The following PTPRG variants were observed in gnomAD, a reference collection of about 807,000 sequenced individuals.
The protein encoded by PTPRG is protein tyrosine phosphatase receptor type G, also known as receptor-type tyrosine-protein phosphatase gamma.
In PTPRG, 102 loss-of-function variants were observed where a neutral mutation model predicts 165.3. That is an observed-to-expected ratio of 0.62 (90% CI 0.53 to 0.73). The LOEUF (loss-of-function observed/expected upper bound fraction) is 0.73, where lower values mean the gene tolerates loss of function less well. Among genes scored for constraint, PTPRG ranks in the 30% least tolerant of loss-of-function variants. PTPRG has a pLI of 0.00. For missense variants in PTPRG, 1,866 were observed against 1,861.4 expected (o/e 1.00, Z -0.05); for synonymous variants, 675 against 669.5 (o/e 1.01, Z -0.13).
intron 2 of PTPRG, among the ~76,000 whole-genome samples, chr3:61,858,472 A>G (rs2037174502): frequency 6.6e-6 from 1 of 152,216 alleles, no homozygotes; most frequent in African/African-American, 2.4e-5. Context: ...CCTGCAATCA[A>G]TATAGTATTT....
chr3:61,846,909 T>C (rs1017147237), intron 2 of PTPRG, among the ~76,000 whole-genome samples: 2 of 148,742 alleles, frequency 1.3e-5, no homozygotes, highest in African/African-American at 5.0e-5. Flanking sequence ...AGCTAGACCC[T>C]GTCTCAAAAA....
chr3:61,572,089 C>G (rs546919248), intron 1 of PTPRG, among the ~76,000 whole-genome samples: 1 of 152,298 alleles, frequency 6.6e-6, no homozygotes, highest in South Asian at 2.1e-4. Context: ...TTGTGAGGTG[C>G]ACTTGTTGAC....
chr3:61,577,834 C>T (rs1221440705), intron 1 of PTPRG, among the ~76,000 whole-genome samples: 1 of 152,154 alleles, frequency 6.6e-6, no homozygotes, highest in Admixed American at 6.5e-5. Flanking sequence ...AAGAGAAACT[C>T]TTGTAATTGA....
intron 4 of PTPRG, among the ~76,000 whole-genome samples, chr3:62,044,959 T>C (rs1287541627): frequency 1.3e-5 from 2 of 152,174 alleles, no homozygotes; most frequent in Non-Finnish European, 2.9e-5. Context: ...TATTTTAAAT[T>C]AAATAGCATT....
At chr3:61,601,418 T>G (rs1378485544) in intron 1 of PTPRG, among the ~76,000 whole-genome samples, 1 of 152,250 alleles carries the variant, frequency 6.6e-6, no homozygotes, top group Non-Finnish European at 1.5e-5. Context: ...TGTTGGCCTC[T>G]GCTATTTGAT....
intron 1 of PTPRG, among the ~76,000 whole-genome samples, chr3:61,622,590 A>C: frequency 6.6e-6 from 1 of 152,200 alleles, no homozygotes; most frequent in East Asian, 1.9e-4. Context: ...CAAATCTTGT[A>C]AATTACTTTC....
At chr3:61,595,908 G>T (rs1700689386) in intron 1 of PTPRG, among the ~76,000 whole-genome samples, 1 of 152,092 alleles carries the variant, frequency 6.6e-6, no homozygotes, top group South Asian at 2.1e-4. Flanking sequence ...GTACCATTGT[G>T]TTTTTTTAGC....
At chr3:62,006,321 A>G (rs79991025) in intron 4 of PTPRG, among the ~76,000 whole-genome samples, 4,181 of 152,286 alleles carry the variant, frequency 0.027, 111 homozygotes, top group East Asian at 0.091. Flanking sequence ...ACTTTAAAAT[A>G]TGCACAAGAA....
intron 28 of PTPRG, among the ~76,000 whole-genome samples, chr3:62,289,643 T>C (rs1392823044): frequency 6.6e-6 from 1 of 150,976 alleles, no homozygotes; most frequent in African/African-American, 2.4e-5. Flanking sequence ...TTAAGAGACA[T>C]TTCAAAAAAA....
rs77973994 is a variant in PTPRG, at chr3:62,276,277, C to T, written c.3559+311C>T. 6.9e-3 allele frequency: 1,286 copies of T among 186,740 alleles called. 17 individuals are homozygous for T. Among genetic ancestry groups the T allele is most frequent in the African/African-American group, 0.027 (1,165 of 42,990 alleles). The allele number at this position is 186,740 out of a possible 1,614,324, so 11.6% of individuals were successfully genotyped here. A position where few individuals can be genotyped will look rare whatever the true frequency, so the allele number is the denominator to read the frequency against. On this transcript the variant is annotated intron_variant, in intron 24 of 29. Coordinates refer to ENST00000474889, the MANE Select transcript of PTPRG (RefSeq NM_002841.4). The stretch of plus-strand genomic sequence containing the variant: ...TCTGACGTAGAATACAGCTTCATTT[C>T]ACCTTGGAATGCAAGAATTGGGTTA...
intron 2 of PTPRG, among the ~76,000 whole-genome samples, chr3:61,803,382 T>C (rs895178651): frequency 1.4e-5 from 2 of 146,078 alleles, no homozygotes; most frequent in Non-Finnish European, 3.0e-5. Context: ...CTGATGTGTA[T>C]TATACTCTGT....
intron 2 of PTPRG, among the ~76,000 whole-genome samples, chr3:61,988,687 A>T (rs180982444): frequency 6.6e-6 from 1 of 152,170 alleles, no homozygotes; most frequent in African/African-American, 2.4e-5. Context: ...CTAATTCTCA[A>T]TAAAGGATTC....
chr3:61,988,119 C>G (rs1324018760), intron 2 of PTPRG, among the ~76,000 whole-genome samples: 1 of 152,112 alleles, frequency 6.6e-6, no homozygotes, highest in Non-Finnish European at 1.5e-5. Context: ...TAGACCTTTG[C>G]CAGTCAGTGA....
chr3:61,706,000 A>T (rs540035009), intron 1 of PTPRG, among the ~76,000 whole-genome samples: 16 of 152,206 alleles, frequency 1.1e-4, no homozygotes, highest in African/African-American at 3.6e-4. Context: ...GCCCTAAGGG[A>T]CAGTTATGTT....
chr3:62,233,970 C>G lies in PTPRG; in HGVS notation c.2375+2659C>G, dbSNP rs1700965269. ...ATCCCATCACTCACCCACCCTGCTC[C>G]CTACCTCCTCACAAATAGGTAGCCC... On this transcript the variant is annotated intron_variant, in intron 14 of 29. Transcript: ENST00000474889. This position sits in a 1 kb window ranked among gnomAD's most constrained non-coding sequence, Gnocchi z 4.7. 6.6e-6 allele frequency among the ~76,000 whole-genome samples: 1 copy of G among 152,182 alleles called. No homozygotes were observed. The highest frequency in any genetic ancestry group is 2.1e-4 in the South Asian group (1 of 4,818).
intron 5 of PTPRG, among the ~76,000 whole-genome samples, chr3:62,109,324 G>T (rs1308033025): frequency 1.3e-5 from 2 of 152,126 alleles, no homozygotes; most frequent in African/African-American, 2.4e-5. Context: ...TTGCTTGTGT[G>T]TGTCAGGTTT....
intron 6 of PTPRG, among the ~76,000 whole-genome samples, chr3:62,150,670 C>T (rs562800176): frequency 5.3e-5 from 8 of 151,810 alleles, no homozygotes; most frequent in Non-Finnish European, 1.2e-4. Context: ...TGCTTTTCCT[C>T]TAAAAAAAAA....
intron 6 of PTPRG, among the ~76,000 whole-genome samples, chr3:62,139,044 TGTCTG>T (rs1273930087): frequency 6.6e-6 from 1 of 152,224 alleles, no homozygotes; most frequent in African/African-American, 2.4e-5. Flanking sequence ...ATTTTATCAT[TGTCTG>T]CTTGTCCTCT....
intron 1 of PTPRG, among the ~76,000 whole-genome samples, chr3:61,687,045 A>T (rs1703657437): frequency 6.6e-6 from 1 of 152,214 alleles, no homozygotes; most frequent in Non-Finnish European, 1.5e-5. Context: ...CCAACCAAAA[A>T]TGCATCAACC....
Sources: allele counts gnomAD v4.1 joint callset (sites outside exome capture counted in the v4.1 genomes callset), GRCh38; gene constraint gnomAD v4.1.1; non-coding constraint Gnocchi (gnomAD v3.1); transcripts MANE v1.5; gene names NCBI Gene and HGNC (gene_info 2026-07-23, HGNC 2026-07-21).